Variants in PCDHA7 observed in about 807,000 individuals in gnomAD.
PCDHA7 encodes protocadherin alpha-7.
In PCDHA7, 37 loss-of-function variants were observed where a neutral mutation model predicts 57.2. The ratio of observed to expected loss-of-function variants is 0.65; its 90% CI spans 0.50 to 0.85. The LOEUF (loss-of-function observed/expected upper bound fraction) is 0.85. Among genes scored for constraint, PCDHA7 ranks in the 40% least tolerant of loss-of-function variants. The pLI is 0.00. For missense variants in PCDHA7, 1,188 were observed against 1,241.8 expected (o/e 0.96, Z 0.65); for synonymous variants, 553 against 558.8 (o/e 0.99, Z 0.15).
intron 1 of PCDHA7, among the ~76,000 whole-genome samples, chr5:140,953,840 G>C (rs1429646408): frequency 6.6e-6 from 1 of 152,072 alleles, no homozygotes; most frequent in African/African-American, 2.4e-5. Flanking sequence ...TTGTTACCCA[G>C]GTAAACATGT....
At chr5:140,924,891 T>C (rs549129193) in intron 1 of PCDHA7, among the ~76,000 whole-genome samples, 1 of 88,410 alleles carries the variant, frequency 1.1e-5, no homozygotes, top group African/African-American at 5.1e-5. Context: ...CAAGAACCTG[T>C]CTCAAAAAAA....
chr5:140,860,192 C>CATATATATATATATATATATATATATAT (rs143984774), intron 1 of PCDHA7: 29 of 146,842 alleles, frequency 2.0e-4, no homozygotes, highest in South Asian at 1.3e-3. Context: ...GCTCTCCTTA[C>CATATATATATATATATATATATATATAT]ATATATATCT....
At chr5:140,958,796 T>C (rs2095443333) in intron 1 of PCDHA7, among the ~76,000 whole-genome samples, 2 of 152,182 alleles carry the variant, frequency 1.3e-5, no homozygotes, top group Admixed American at 6.5e-5. Context: ...TCTAGTAAAT[T>C]ATCACACCAT....
intron 1 of PCDHA7, chr5:140,929,486 T>G (rs1258020318): frequency 8.8e-7 from 1 of 1,141,828 alleles, no homozygotes; most frequent in Non-Finnish European, 1.2e-6. Flanking sequence ...TATAGAAGTA[T>G]TAGAAGATTG....
chr5:140,997,668 TTG>T (rs35184029), intron 3 of PCDHA7, among the ~76,000 whole-genome samples: 38,693 of 147,760 alleles, frequency 0.26, 5,114 homozygotes, highest in Middle Eastern at 0.39. Flanking sequence ...ATTATACAGC[TTG>T]TGTGTGTGTG....
At chr5:140,848,644 A>G in intron 1 of PCDHA7, 2 of 1,593,184 alleles carry the variant, frequency 1.3e-6, no homozygotes, top group South Asian at 2.2e-5. Context: ...CGCATCGCGC[A>G]GGACCTGGGG....
At chr5:140,837,815 T>C (rs903227742) in intron 1 of PCDHA7, among the ~76,000 whole-genome samples, 3 of 151,770 alleles carry the variant, frequency 2.0e-5, no homozygotes, top group Admixed American at 2.0e-4. Flanking sequence ...TAGCTGGGAA[T>C]ACAGTTTGCA....
chr5:140,890,915 G>A (rs1169684735), intron 1 of PCDHA7, among the ~76,000 whole-genome samples: 4 of 152,116 alleles, frequency 2.6e-5, no homozygotes, highest in African/African-American at 9.7e-5. Flanking sequence ...AGAATAATTT[G>A]AGAGTTTCCT....
At chr5:140,922,316 A>G (rs983729529) in intron 1 of PCDHA7, among the ~76,000 whole-genome samples, 5 of 152,248 alleles carry the variant, frequency 3.3e-5, no homozygotes, top group Middle Eastern at 3.2e-3. Context: ...TTCACTGAAG[A>G]TCTTGGAAAG....
intron 1 of PCDHA7, chr5:140,967,271 A>T (rs1007708043): frequency 6.2e-7 from 1 of 1,613,338 alleles, no homozygotes; most frequent in African/African-American, 1.3e-5. Context: ...GCGCTTTCAC[A>T]TAGAGAGTGC....
chr5:140,863,834 A>G lies in PCDHA7; in HGVS notation c.2355+27096A>G, dbSNP rs868982708. The G allele has an allele frequency of 1.6e-5, 3 of 185,882 alleles. No homozygotes were observed. The East Asian group carries it at 3.9e-4, about 24-fold the overall frequency. The allele number at this position is 185,882 out of a possible 1,614,324, so 11.5% of individuals were successfully genotyped here. A position where few individuals can be genotyped will look rare whatever the true frequency, so the allele number is the denominator to read the frequency against. The stretch of plus-strand genomic sequence containing the variant: ...GCCAACATGGTGAAACTCCATCTCT[A>G]CTAAAGATATAAAAAAATTAGCTGG... On this transcript the variant is annotated intron_variant, in intron 1 of 3. Transcript: ENST00000525929.
Position 140,982,278 on chromosome 5 carries a change from A to G in PCDHA7, c.2415-197A>G, listed in dbSNP as rs997424016. On this transcript the variant is annotated intron_variant, in intron 2 of 3. Transcript: ENST00000525929. ...ATGTGTGTTCCTGGAATAGTATAGC[A>G]GGCAATAAGTAAGTCAGCAATGCTT... 8.2e-6 allele frequency: 8 copies of G among 980,114 alleles called. No homozygotes were observed. In the South Asian group the frequency reaches 1.1e-4, roughly 14 times the overall value. The allele number at this position is 980,114 out of a possible 1,614,324, so 60.7% of individuals were successfully genotyped here.
At chr5:140,844,640 A>G (rs1166364249) in intron 1 of PCDHA7, among the ~76,000 whole-genome samples, 4 of 149,532 alleles carry the variant, frequency 2.7e-5, no homozygotes, top group Non-Finnish European at 4.5e-5. Flanking sequence ...ATACATGATA[A>G]TTTCATTCTT....
intron 1 of PCDHA7, chr5:140,868,045 A>G (rs1452350688): frequency 3.3e-5 from 5 of 152,130 alleles, no homozygotes; most frequent in African/African-American, 1.2e-4. Flanking sequence ...GGAAATACCA[A>G]TATGGCACAA....
chr5:140,922,441 A>G (rs2080844983), intron 1 of PCDHA7, among the ~76,000 whole-genome samples: 1 of 152,216 alleles, frequency 6.6e-6, no homozygotes, highest in Non-Finnish European at 1.5e-5. Flanking sequence ...GAACTCTCTC[A>G]TTATCCTATT....
intron 1 of PCDHA7, among the ~76,000 whole-genome samples, chr5:140,845,922 T>A (rs782092112): frequency 6.7e-6 from 1 of 149,778 alleles, no homozygotes; most frequent in Non-Finnish European, 1.5e-5. Flanking sequence ...CTTATTTTTG[T>A]GTAAAACTAT....
chr5:140,939,967 C>T (rs527732118), intron 1 of PCDHA7, among the ~76,000 whole-genome samples: 8 of 152,210 alleles, frequency 5.3e-5, no homozygotes, highest in African/African-American at 1.7e-4. Context: ...AAGTGTTCCA[C>T]GATGAATAGT....
intron 1 of PCDHA7, among the ~76,000 whole-genome samples, chr5:140,894,629 T>C (rs1406335031): frequency 6.6e-6 from 1 of 152,036 alleles, no homozygotes; most frequent in African/African-American, 2.4e-5. Flanking sequence ...TCTTCTCCAA[T>C]CATATCATTA....
intron 1 of PCDHA7, among the ~76,000 whole-genome samples, chr5:140,972,741 G>T (rs1453484254): frequency 6.9e-6 from 1 of 145,350 alleles, no homozygotes; most frequent in Non-Finnish European, 1.5e-5. Context: ...CCGGCTCACT[G>T]CAACCTCCGC....
Sources: allele counts gnomAD v4.1 joint callset (sites outside exome capture counted in the v4.1 genomes callset), GRCh38; gene constraint gnomAD v4.1.1; transcripts MANE v1.5; gene names NCBI Gene and HGNC (gene_info 2026-07-23, HGNC 2026-07-21).